Variants in DLG2 observed in about 807,000 individuals in gnomAD.
DLG2 encodes discs large MAGUK scaffold protein 2.
Under a neutral mutation model 132.5 loss-of-function variants are expected in DLG2, and 45 were observed. The observed-to-expected ratio is 0.34, with a 90% CI of 0.27 to 0.44. The LOEUF (loss-of-function observed/expected upper bound fraction) is 0.44. Among genes scored for constraint, DLG2 ranks in the 20% least tolerant of loss-of-function variants. The pLI, the probability that DLG2 is intolerant of heterozygous loss-of-function variation, is 1.00. For missense variants in DLG2, 1,045 were observed against 1,196.9 expected, an observed-to-expected ratio of 0.87 and a Z score of 1.87; for synonymous variants, 424 against 419.6, an observed-to-expected ratio of 1.01 and a Z score of -0.13.
intron 12 of DLG2, among the ~76,000 whole-genome samples, chr11:83,967,770 G>T (rs900365051): frequency 6.6e-6 from 1 of 151,994 alleles, no homozygotes. Context: ...AGCTTTTAAC[G>T]TGATATCCAA....
intron 6 of DLG2, among the ~76,000 whole-genome samples, chr11:85,025,389 T>G (rs139453311): frequency 6.6e-6 from 1 of 152,212 alleles, no homozygotes. Flanking sequence ...CTCGATGAAA[T>G]GTTAGACACT....
intron 7 of DLG2, among the ~76,000 whole-genome samples, chr11:84,347,799 T>C (rs2098545791): frequency 6.6e-6 from 1 of 152,198 alleles, no homozygotes; most frequent in Admixed American, 6.5e-5. Context: ...AAGTTCATAA[T>C]ATGTGAGAAA....
intron 20 of DLG2, among the ~76,000 whole-genome samples, chr11:83,537,021 T>C (rs2095895942): frequency 6.6e-6 from 1 of 152,160 alleles, no homozygotes; most frequent in Non-Finnish European, 1.5e-5. Context: ...AGACCAAATC[T>C]CAATGACAAC....
chr11:83,872,317 T>C (rs2154065100), intron 16 of DLG2, among the ~76,000 whole-genome samples: 1 of 152,310 alleles, frequency 6.6e-6, no homozygotes, highest in East Asian at 1.9e-4. Context: ...AGGAAACCCA[T>C]GCTTAGAGAG....
intron 3 of DLG2, among the ~76,000 whole-genome samples, chr11:85,554,469 G>A (rs1345665127): frequency 1.3e-5 from 2 of 151,826 alleles, no homozygotes; most frequent in African/African-American, 4.8e-5. Flanking sequence ...GTCTAACATG[G>A]CTGACTCCAT....
intron 3 of DLG2, among the ~76,000 whole-genome samples, chr11:85,488,444 A>G (rs1019764241): frequency 4.6e-5 from 7 of 151,916 alleles, no homozygotes; most frequent in Admixed American, 2.6e-4. Flanking sequence ...ACCTCCTGCC[A>G]TGATTCTGAG....
intron 7 of DLG2, among the ~76,000 whole-genome samples, chr11:84,451,916 G>C (rs1226194375): frequency 6.6e-6 from 1 of 151,680 alleles, no homozygotes; most frequent in Non-Finnish European, 1.5e-5. Flanking sequence ...GATATCTGGG[G>C]AAAGAGTATG....
intron 2 of DLG2, among the ~76,000 whole-genome samples, chr11:85,611,875 G>A (rs766174647): frequency 6.6e-6 from 1 of 152,058 alleles, no homozygotes; most frequent in Non-Finnish European, 1.5e-5. Flanking sequence ...GAAGGAGAGG[G>A]GAGAACAGCA....
intron 6 of DLG2, among the ~76,000 whole-genome samples, chr11:84,841,983 A>G (rs1321613469): frequency 6.6e-6 from 1 of 151,928 alleles, no homozygotes; most frequent in Non-Finnish European, 1.5e-5. Context: ...TAAACTCCCA[A>G]AATTGAGATT....
intron 6 of DLG2, among the ~76,000 whole-genome samples, chr11:84,771,720 C>T (rs1185413631): frequency 6.6e-6 from 1 of 152,118 alleles, no homozygotes; most frequent in African/African-American, 2.4e-5. Flanking sequence ...AGACCCTATA[C>T]AACAACCACA....
In DLG2 at chr11:84,283,085, C is replaced by T. The variant is rs964559745; in HGVS notation, c.520-31794G>A. ...TCTCTGGAGGGTGAGGTCCTCTATC[C>T]TAAAATTTCTAGTTTCCCCATAGTA... is the stretch of plus-strand genomic sequence containing the variant. On this transcript the variant is annotated intron_variant, in intron 7 of 27. Transcript: ENST00000376104. 1.1e-4 allele frequency among the ~76,000 whole-genome samples: 17 copies of T among 152,124 alleles called. 1 individual carries two copies. Among genetic ancestry groups the T allele is most frequent in the African/African-American group, 3.9e-4 (16 of 41,432 alleles).
chr11:84,477,767 T>G (rs1184245182), intron 7 of DLG2, among the ~76,000 whole-genome samples: 1 of 152,192 alleles, frequency 6.6e-6, no homozygotes, highest in Non-Finnish European at 1.5e-5. Flanking sequence ...CATTGTCATG[T>G]TAAATAGAGA....
chr11:84,067,699 T>C (rs978298317), intron 10 of DLG2, among the ~76,000 whole-genome samples: 4 of 152,326 alleles, frequency 2.6e-5, no homozygotes, highest in Non-Finnish European at 5.9e-5. Flanking sequence ...GAAGTGTTAC[T>C]GGGGATCTTT....
intron 6 of DLG2, among the ~76,000 whole-genome samples, chr11:84,799,088 T>C (rs1006099828): frequency 2.0e-5 from 3 of 152,170 alleles, no homozygotes; most frequent in Admixed American, 6.5e-5. Flanking sequence ...AGGTCACACA[T>C]TGCCCCAGTC....
intron 6 of DLG2, among the ~76,000 whole-genome samples, chr11:85,076,195 AAG>A (rs1466607512): frequency 6.6e-6 from 1 of 151,968 alleles, no homozygotes; most frequent in Non-Finnish European, 1.5e-5. Context: ...TCAGTCTTGC[AAG>A]AGTTTTGAAA....
chr11:85,036,882 T>A (rs2061477896), intron 6 of DLG2, among the ~76,000 whole-genome samples: 1 of 152,180 alleles, frequency 6.6e-6, no homozygotes, highest in Non-Finnish European at 1.5e-5. Context: ...GGAGTGCTGA[T>A]CAGTTACAAG....
chr11:84,781,974 G>T (rs1018657444), intron 6 of DLG2, among the ~76,000 whole-genome samples: 1 of 152,130 alleles, frequency 6.6e-6, no homozygotes, highest in African/African-American at 2.4e-5. Flanking sequence ...TAGGAATCAA[G>T]ATAGAGCCAA....
At chr11:85,472,186 G>T (rs117726502) in intron 3 of DLG2, among the ~76,000 whole-genome samples, 3,303 of 152,202 alleles carry the variant, frequency 0.022, 56 homozygotes, top group Non-Finnish European at 0.034. Flanking sequence ...TGGACCAATT[G>T]GCACACACTC....
chr11:84,623,294 C>T (rs965859477), intron 6 of DLG2, among the ~76,000 whole-genome samples: 1 of 152,058 alleles, frequency 6.6e-6, no homozygotes, highest in Non-Finnish European at 1.5e-5. Context: ...AACGGCAGAC[C>T]TTCTGATCTC....
Sources: gnomAD v4.1 joint callset for allele counts (sites outside exome capture counted in the v4.1 genomes callset) on GRCh38, gnomAD v4.1.1 for gene constraint, MANE v1.5 for transcripts, NCBI Gene and HGNC (gene_info 2026-07-23, HGNC 2026-07-21) for gene names.